The following GRIA3 variants were observed in gnomAD, a reference collection of about 807,000 sequenced individuals.
GRIA3 encodes the protein glutamate ionotropic receptor AMPA type subunit 3.
GRIA3 carries 3 observed loss-of-function variants against 63.0 expected under a neutral mutation model. That is an observed-to-expected ratio of 0.05 (90% confidence interval 0.02 to 0.12). The LOEUF is 0.12. GRIA3 is among the 10% of genes least tolerant of loss of function. GRIA3 has a pLI of 1.00. For missense variants in GRIA3, 347 were observed against 700.9 expected (o/e 0.50, Z 5.70); for synonymous variants, 274 against 257.9 (o/e 1.06, Z -0.60).
chrX:123,460,863 A>G (rs987693542), intron 12 of GRIA3, among the ~76,000 whole-genome samples: 1 of 111,975 alleles, frequency 8.9e-6, no homozygotes, highest in Non-Finnish European at 1.9e-5. Context: ...ATGTGTCAAA[A>G]GAGGATAATG....
chrX:123,417,391 T>C lies in GRIA3; in HGVS notation c.1501-11T>C. 8.5e-7 allele frequency: 1 copy of C among 1,182,962 alleles called. No individual in the cohort carries two copies. Among genetic ancestry groups the C allele is most frequent in the Non-Finnish European group, 1.1e-6 (1 of 871,158 alleles). On this transcript the variant is annotated splice_polypyrimidine_tract_variant and intron_variant, in intron 10 of 15. Coordinates refer to ENST00000620443, the MANE Select transcript of GRIA3 (RefSeq NM_007325.5). ...AGTCATATATGTTTTCTTTTTTTTC[T>C]TTTTTTTCAGAGAGCTGATATAGCT...
intron 2 of GRIA3, among the ~76,000 whole-genome samples, chrX:123,220,685 C>T (rs779935736): frequency 8.9e-6 from 1 of 112,264 alleles, no homozygotes; most frequent in African/African-American, 3.2e-5. Flanking sequence ...ACTCTTGACT[C>T]TGCTAACTCT....
chrX:123,361,481 A>C (rs992696360), intron 5 of GRIA3, among the ~76,000 whole-genome samples: 1 of 111,197 alleles, frequency 9.0e-6, no homozygotes. Context: ...CCTGGTGCAC[A>C]ACTTCTCTGG....
At chrX:123,270,305 A>T (rs1336123992) in intron 3 of GRIA3, among the ~76,000 whole-genome samples, 1 of 112,434 alleles carries the variant, frequency 8.9e-6, no homozygotes, top group Non-Finnish European at 1.9e-5. Flanking sequence ...CTATGAAGAG[A>T]AAGCAAAGGA....
At chrX:123,241,727 A>C (rs1016967633) in intron 2 of GRIA3, among the ~76,000 whole-genome samples, 5 of 110,418 alleles carry the variant, frequency 4.5e-5, no homozygotes, top group African/African-American at 1.7e-4. Context: ...TCTGAAGAAC[A>C]GTTGGCGATA....
intron 3 of GRIA3, among the ~76,000 whole-genome samples, chrX:123,309,189 A>G (rs1206681701): frequency 9.0e-6 from 1 of 111,055 alleles, no homozygotes; most frequent in Non-Finnish European, 1.9e-5. Context: ...GCTCAAGACC[A>G]GCCTGGTCAA....
In GRIA3 at chrX:123,367,110, C is replaced by T. The variant is rs145136870; in HGVS notation, c.750+12147C>T. ...AAAAATTCTAATGTCTTTGGGTAGA[C>T]GAGAAATGCCAGAAGAAGGTACTTG... On this transcript the variant is annotated intron_variant, in intron 5 of 15. Coordinates refer to ENST00000620443, the MANE Select transcript of GRIA3 (RefSeq NM_007325.5). Among the ~76,000 whole-genome samples the T allele has an allele frequency of 8.3e-3, 918 of 110,798 alleles. 21 individuals carry two copies. Among genetic ancestry groups the T allele is most frequent in the Admixed American group, 0.073 (756 of 10,388 alleles).
chrX:123,199,071 G>A (rs1054789355), intron 2 of GRIA3, among the ~76,000 whole-genome samples: 6 of 110,967 alleles, frequency 5.4e-5, no homozygotes, highest in African/African-American at 2.0e-4. Context: ...TTTTTCTTTT[G>A]ATGTTGCTTG....
Position 123,307,727 on chromosome X carries a change from C to T in GRIA3, c.509-18299C>T, listed in dbSNP as rs2044764046. ...TTCAGTCCAGCATCTTCACTACATG[C>T]AGCCCTTCCTACCTACCTGTGTGGG... On this transcript the variant is annotated intron_variant, in intron 3 of 15. Coordinates refer to ENST00000620443, the MANE Select transcript of GRIA3 (RefSeq NM_007325.5). 2.7e-5 allele frequency among the ~76,000 whole-genome samples: 3 copies of T among 110,610 alleles called. No homozygotes were observed. The South Asian group carries it at 1.2e-3, about 45-fold the overall frequency.
At chrX:123,288,340 C>T (rs1181445833) in intron 3 of GRIA3, among the ~76,000 whole-genome samples, 1 of 112,508 alleles carries the variant, frequency 8.9e-6, no homozygotes, top group African/African-American at 3.2e-5. Context: ...CAATACCATT[C>T]AGGACATAGG....
intron 12 of GRIA3, among the ~76,000 whole-genome samples, chrX:123,432,264 A>T (rs749250511): frequency 4.5e-5 from 5 of 112,265 alleles, no homozygotes; most frequent in Admixed American, 1.9e-4. Context: ...CAAAATATTT[A>T]GCCCCCAGTA....
At chrX:123,418,629 G>A (rs770462702) in intron 11 of GRIA3, among the ~76,000 whole-genome samples, 10 of 112,065 alleles carry the variant, frequency 8.9e-5, no homozygotes, top group Non-Finnish European at 1.7e-4. Context: ...TATATAAATG[G>A]CTAATAAGCA....
At chrX:123,316,095 AC>A (rs1243910206) in intron 3 of GRIA3, among the ~76,000 whole-genome samples, 5 of 111,167 alleles carry the variant, frequency 4.5e-5, no homozygotes, top group Non-Finnish European at 9.4e-5. Context: ...AAAATGTCAA[AC>A]TTTTATTCAT....
At chrX:123,471,749 G>C (rs2045863434) in intron 13 of GRIA3, among the ~76,000 whole-genome samples, 1 of 107,856 alleles carries the variant, frequency 9.3e-6, no homozygotes, top group African/African-American at 3.4e-5. Context: ...TATTTGGTGA[G>C]GGTGGGAGTT....
chrX:123,392,430 T>C (rs1251078275), intron 5 of GRIA3, among the ~76,000 whole-genome samples: 2 of 111,676 alleles, frequency 1.8e-5, no homozygotes, highest in South Asian at 7.6e-4. Flanking sequence ...AATGGCACCC[T>C]GCTGTGGCTG....
rs781341740 is a variant in GRIA3, at chrX:123,310,668, C to G, written c.509-15358C>G. On this transcript the variant is annotated intron_variant, in intron 3 of 15. Transcript: ENST00000620443. ...TCTCTCCTCCTTTCATATTATCTTT[C>G]CTTTTTTTCTAAATTCTAGCCTCCT... Among the ~76,000 whole-genome samples, 4 of 112,790 alleles carry G rather than the reference C, an allele frequency of 3.5e-5. No homozygotes were observed. The South Asian group carries it at 1.5e-3, about 41-fold the overall frequency.
At chrX:123,202,587 G>T in intron 2 of GRIA3, 1 of 1,138,951 alleles carries the variant, frequency 8.8e-7, no homozygotes, top group Non-Finnish European at 1.2e-6. Context: ...TTCCGCTGAA[G>T]GAGACCTATG....
At chrX:123,219,999 G>A (rs1301436804) in intron 2 of GRIA3, among the ~76,000 whole-genome samples, 1 of 112,279 alleles carries the variant, frequency 8.9e-6, no homozygotes, top group Non-Finnish European at 1.9e-5. Flanking sequence ...ATAGCACTTG[G>A]CAGGCAGCCT....
intron 11 of GRIA3, among the ~76,000 whole-genome samples, chrX:123,426,959 A>G (rs762342321): frequency 1.4e-4 from 16 of 111,356 alleles, no homozygotes; most frequent in Non-Finnish European, 2.8e-4. Context: ...TGGAGGAAGC[A>G]AGCCTTTTGA....
Sources: allele counts gnomAD v4.1 joint callset (sites outside exome capture counted in the v4.1 genomes callset), GRCh38; gene constraint gnomAD v4.1.1; transcripts MANE v1.5; gene names NCBI Gene and HGNC (gene_info 2026-07-23, HGNC 2026-07-21).